RWDD4: variants seen among roughly 807,000 people sequenced by gnomAD.
The protein encoded by RWDD4 is RWD domain-containing protein 4.
In RWDD4, 16 loss-of-function variants were observed where a neutral mutation model predicts 30.0. That is an observed-to-expected ratio of 0.53 (90% CI 0.36 to 0.81). The LOEUF (loss-of-function observed/expected upper bound fraction) is 0.81, where lower values mean the gene tolerates loss of function less well. Among genes scored for constraint, RWDD4 ranks in the 30% least tolerant of loss-of-function variants. The pLI, the probability that RWDD4 is intolerant of heterozygous loss-of-function variation, is 0.00. For missense variants in RWDD4, 170 were observed against 223.9 expected (o/e 0.76, Z 1.54); for synonymous variants, 45 against 72.1 (o/e 0.62, Z 1.90).
intron 5 of RWDD4, among the ~76,000 whole-genome samples, chr4:183,646,977 A>G (rs2111234825): frequency 6.6e-6 from 1 of 152,302 alleles, no homozygotes; most frequent in South Asian, 2.1e-4. Flanking sequence ...TCACAAATAT[A>G]TGTCTGGCCT....
chr4:183,655,496 G>A lies in RWDD4; in HGVS notation c.105+385C>T, dbSNP rs572232644. Among the ~76,000 whole-genome samples, 27 of 152,078 alleles carry A rather than the reference G, an allele frequency of 1.8e-4. No individual in the cohort carries two copies. The Middle Eastern group carries it at 0.01, about 57-fold the overall frequency. On this transcript the variant is annotated intron_variant, in intron 2 of 7. Coordinates refer to ENST00000326397, the MANE Select transcript of RWDD4 (RefSeq NM_152682.4). ...CAGTGGGGTTTCACCATGTTGGCCA[G>A]GATGGTCTCGATCTCCTGACCTCGT...
At chr4:183,644,640 G>A (rs62356759) in intron 7 of RWDD4, among the ~76,000 whole-genome samples, 14,130 of 152,152 alleles carry the variant, frequency 0.093, 801 homozygotes, top group Admixed American at 0.15. Context: ...TTAGCCAGGT[G>A]TGGCGGTGCA....
rs1734309662 is a variant in RWDD4 at position 183,659,099 on chromosome 4, G to A, written c.-147C>T. 8 of 570,370 alleles carry A rather than the reference G, an allele frequency of 1.4e-5. No individual in the cohort carries two copies. The highest frequency in any genetic ancestry group is 2.1e-5 in the Non-Finnish European group (8 of 384,946). 35.3% of individuals were successfully genotyped at this position (570,370 alleles called of 1,614,324 possible). A position where few individuals can be genotyped will look rare whatever the true frequency, so the allele number is the denominator to read the frequency against. Reference sequence around the variant, plus strand: ...CTTGGCACTGGCAGACGCCAACTGCGCGCGCCCCGAGCCTCGGCAGCGCCC... The same window carrying A: ...CTTGGCACTGGCAGACGCCAACTGCACGCGCCCCGAGCCTCGGCAGCGCCC... On this transcript the variant is annotated 5_prime_UTR_variant, in exon 1 of 8. Coordinates refer to ENST00000326397, the MANE Select transcript of RWDD4 (RefSeq NM_152682.4).
chr4:183,656,323 G>A (rs996367770), intron 1 of RWDD4, among the ~76,000 whole-genome samples: 1 of 152,220 alleles, frequency 6.6e-6, no homozygotes, highest in African/African-American at 2.4e-5. Flanking sequence ...ACGAACCTGG[G>A]TGCAAAGAGC....
intron 7 of RWDD4, among the ~76,000 whole-genome samples, chr4:183,642,910 T>C (rs1183060970): frequency 6.7e-6 from 1 of 150,294 alleles, no homozygotes; most frequent in African/African-American, 2.5e-5. Flanking sequence ...ATACAAAAAA[T>C]TACCCGGGCA....
At chr4:183,655,562 G>GT (rs1396807790) in intron 2 of RWDD4, among the ~76,000 whole-genome samples, 1 of 152,118 alleles carries the variant, frequency 6.6e-6, no homozygotes, top group Non-Finnish European at 1.5e-5. Flanking sequence ...GGGATTACAG[G>GT]TGAGAGCCAC....
chr4:183,641,063 C>A lies in RWDD4; in HGVS notation c.*373G>T. 4.3e-6 allele frequency: 1 copy of A among 232,574 alleles called. No homozygotes were observed. Among genetic ancestry groups the A allele is most frequent in the South Asian group, 6.4e-5 (1 of 15,558 alleles). 14.4% of individuals were successfully genotyped at this position (232,574 alleles called of 1,614,324 possible). ...TGGAGTAACTGTTCACTGAGTACTC[C>A]GCTCCACTGGGATGATAGTTTGAAA... On this transcript the variant is annotated 3_prime_UTR_variant, in exon 8 of 8. Transcript: ENST00000326397.
chr4:183,649,439 A>G lies in RWDD4; in HGVS notation c.481+12T>C. The stretch of plus-strand genomic sequence containing the variant: ...AAAAAAAGAAAAGAAAAGAAAAGAA[A>G]CACACACAAACCTGTTTTGTCTGCC... On this transcript the variant is annotated intron_variant, in intron 5 of 7. Transcript: ENST00000326397. 2.6e-6 allele frequency: 4 copies of G among 1,519,028 alleles called. No homozygotes were observed. The South Asian group carries it at 4.6e-5, about 18-fold the overall frequency. 94.1% of individuals were successfully genotyped at this position (1,519,028 alleles called of 1,614,324 possible).
At chr4:183,650,940 C>G (rs558034967) in intron 4 of RWDD4, 44 bp downstream of exon 4, 6 of 1,581,184 alleles carry the variant, frequency 3.8e-6, no homozygotes, top group Non-Finnish European at 5.2e-6. Flanking sequence ...ACAGCAAAAC[C>G]AAAACAACAA....
At chr4:183,656,702 G>C (rs1031582113) in intron 1 of RWDD4, among the ~76,000 whole-genome samples, 3 of 152,168 alleles carry the variant, frequency 2.0e-5, no homozygotes, top group African/African-American at 7.2e-5. Context: ...GATGGTGAAA[G>C]TGGGCTTGAT....
intron 2 of RWDD4, among the ~76,000 whole-genome samples, chr4:183,651,862 C>T (rs60020307): frequency 0.31 from 47,533 of 152,036 alleles, 7,663 homozygotes; most frequent in African/African-American, 0.37. Flanking sequence ...TGAATAAAGA[C>T]GCCCTTGTTT....
intron 2 of RWDD4, among the ~76,000 whole-genome samples, chr4:183,653,908 GAAT>G (rs1407615617): frequency 3.9e-5 from 6 of 152,166 alleles, no homozygotes; most frequent in Non-Finnish European, 4.4e-5. Flanking sequence ...ACTGCAATAT[GAAT>G]AATAGTTCAA....
At chr4:183,645,664 G>A (rs955472239) in intron 7 of RWDD4, among the ~76,000 whole-genome samples, 5 of 152,040 alleles carry the variant, frequency 3.3e-5, no homozygotes, top group Non-Finnish European at 5.9e-5. Context: ...AGCTAGTCAG[G>A]AGGCTGAGGA....
At chr4:183,655,990 T>C in intron 1 of RWDD4, 29 bp from the exon 2 acceptor site, 1 of 1,450,836 alleles carries the variant, frequency 6.9e-7, no homozygotes, top group Non-Finnish European at 9.7e-7. Flanking sequence ...TGAGTTTTGT[T>C]TAGTGGTATA....
chr4:183,651,275 T>C lies in RWDD4; in HGVS notation c.158A>G (p.Glu53Gly), dbSNP rs773987644. The stretch of plus-strand genomic sequence containing the variant: ...AATTGGAGGTGTTTGGGGATATGTT[T>C]CTGTCCAGGAAATCTCTATTAAGAA... ...KAFLIEISWTETYPQTPPILS... is the reference protein window; with the variant it reads ...KAFLIEISWTGTYPQTPPILS... The change falls in exon 3 of 8, where the codon GAA becomes GGA. Residue 53 changes from glutamate to glycine, a missense_variant. Transcript: ENST00000326397. 6.2e-7 allele frequency: 1 copy of C among 1,612,706 alleles called. No individual in the cohort carries two copies. Among genetic ancestry groups the C allele is most frequent in the Non-Finnish European group, 8.5e-7 (1 of 1,179,976 alleles).
rs576444798 is a variant in RWDD4, at chr4:183,643,939, A to G, written c.534+2412T>C. On this transcript the variant is annotated intron_variant, in intron 7 of 7. Coordinates refer to ENST00000326397, the MANE Select transcript of RWDD4 (RefSeq NM_152682.4). ...GTCTCAAAAACAAACGAACAAACAA[A>G]AACCACAAAAAAAACTTCTTTCATC... is the stretch of plus-strand genomic sequence containing the variant. Among the ~76,000 whole-genome samples, 19 of 152,302 alleles carry G rather than the reference A, an allele frequency of 1.2e-4. No homozygotes were observed. The East Asian group carries it at 3.7e-3, about 29-fold the overall frequency.
chr4:183,649,923 C>T (rs1032483118), intron 4 of RWDD4, among the ~76,000 whole-genome samples: 1 of 151,994 alleles, frequency 6.6e-6, no homozygotes, highest in Non-Finnish European at 1.5e-5. Context: ...CTTTACAGAG[C>T]TTTTCTCAAT....
Position 183,639,890 on chromosome 4 carries a change from G to A in RWDD4, c.*1546C>T, listed in dbSNP as rs1464511769. 6.6e-6 allele frequency: 1 copy of A among 151,998 alleles called. No individual in the cohort carries two copies. The highest frequency in any genetic ancestry group is 1.5e-5 in the Non-Finnish European group (1 of 67,980). The allele number at this position is 151,998 out of a possible 1,614,324, so 9.4% of individuals were successfully genotyped here. A position where few individuals can be genotyped will look rare whatever the true frequency, so the allele number is the denominator to read the frequency against. The stretch of plus-strand genomic sequence containing the variant: ...TAGCATCATTCTCTGTAATCTATGA[G>A]CCATAATAAGCCTGAACAATTTCAG... On this transcript the variant is annotated 3_prime_UTR_variant, in exon 8 of 8. Coordinates refer to ENST00000326397, the MANE Select transcript of RWDD4 (RefSeq NM_152682.4).
At chr4:183,652,560 T>C (rs938727373) in intron 2 of RWDD4, among the ~76,000 whole-genome samples, 13 of 151,814 alleles carry the variant, frequency 8.6e-5, no homozygotes. Flanking sequence ...GTCTGTACTC[T>C]CAGCACTTTG....
Sources: allele counts gnomAD v4.1 joint callset (sites outside exome capture counted in the v4.1 genomes callset), GRCh38; gene constraint gnomAD v4.1.1; transcripts MANE v1.5; gene names NCBI Gene and HGNC (gene_info 2026-07-23, HGNC 2026-07-21).